The following UBE2R2 variants were observed in gnomAD, a reference collection of about 807,000 sequenced individuals.
UBE2R2 encodes ubiquitin conjugating enzyme E2 R2.
A neutral mutation model predicts 27.8 loss-of-function variants in UBE2R2; 1 was observed. The ratio of observed to expected loss-of-function variants is 0.04; its 90% CI spans 0.01 to 0.17. The LOEUF (loss-of-function observed/expected upper bound fraction) is 0.17. Ranked by LOEUF, UBE2R2 falls within the 10% of genes least tolerant of loss-of-function variation. UBE2R2 has a pLI of 1.00. For missense variants in UBE2R2, 100 were observed against 291.0 expected, an observed-to-expected ratio of 0.34 and a Z score of 4.78; for synonymous variants, 106 against 113.3, an observed-to-expected ratio of 0.94 and a Z score of 0.41.
At chr9:33,823,207 A>G (rs886782555) in intron 1 of UBE2R2, among the ~76,000 whole-genome samples, 2 of 150,912 alleles carry the variant, frequency 1.3e-5, no homozygotes, top group African/African-American at 4.9e-5. Flanking sequence ...TGCCCAGCCT[A>G]TTATTATTAT....
chr9:33,822,730 AT>A (rs149599575), intron 1 of UBE2R2, among the ~76,000 whole-genome samples: 12,044 of 148,424 alleles, frequency 0.081, 679 homozygotes, highest in Non-Finnish European at 0.12. Flanking sequence ...CAGCCAAATA[AT>A]TTTTTTTTTA....
intron 2 of UBE2R2, among the ~76,000 whole-genome samples, chr9:33,895,054 T>A (rs1822070827): frequency 6.6e-6 from 1 of 152,244 alleles, no homozygotes; most frequent in South Asian, 2.1e-4. Flanking sequence ...GAATTCCTTA[T>A]ATATTATACA....
At chr9:33,830,770 G>GA (rs1820454316) in intron 1 of UBE2R2, among the ~76,000 whole-genome samples, 44 of 133,528 alleles carry the variant, frequency 3.3e-4, no homozygotes, top group East Asian at 1.6e-3. Context: ...CCCTCTCAAA[G>GA]GAAAAAAAAA....
intron 3 of UBE2R2, among the ~76,000 whole-genome samples, chr9:33,911,649 A>G (rs1237095736): frequency 6.6e-6 from 1 of 152,068 alleles, no homozygotes; most frequent in African/African-American, 2.4e-5. Context: ...TGCTTTGTGC[A>G]TTACCCTTAT....
chr9:33,837,604 T>G (rs1820643296), intron 1 of UBE2R2, among the ~76,000 whole-genome samples: 1 of 152,038 alleles, frequency 6.6e-6, no homozygotes, highest in Non-Finnish European at 1.5e-5. Context: ...TTTTATATTT[T>G]TAGTAGAGAT....
At position 33,829,601 on chromosome 9, in the gene UBE2R2, G is replaced by C. The variant is rs1398041036; in HGVS notation, c.177+11667G>C. On this transcript the variant is annotated intron_variant, in intron 1 of 4. Coordinates refer to ENST00000263228, the MANE Select transcript of UBE2R2 (RefSeq NM_017811.4). ...GTACCTCTGAAAGTGAGAGATGATA[G>C]AGAAAGTTAAATTTCTCAATACAAT... Among the ~76,000 whole-genome samples the C allele has an allele frequency of 2.0e-5, 3 of 152,172 alleles. No homozygotes were observed. In the East Asian group the frequency reaches 5.8e-4, roughly 29 times the overall value.
chr9:33,902,873 G>A (rs1230947131), intron 3 of UBE2R2, among the ~76,000 whole-genome samples: 1 of 152,168 alleles, frequency 6.6e-6, no homozygotes, highest in Non-Finnish European at 1.5e-5. Flanking sequence ...GCCAAGGTGG[G>A]CAGATCACCT....
At chr9:33,856,111 T>G (rs2130760257) in intron 1 of UBE2R2, among the ~76,000 whole-genome samples, 1 of 152,268 alleles carries the variant, frequency 6.6e-6, no homozygotes, top group East Asian at 1.9e-4. Context: ...TTTTACCGTG[T>G]ACACACTTGG....
Position 33,830,950 on chromosome 9 carries a change from T to A in UBE2R2, c.177+13016T>A, listed in dbSNP as rs146362301. 63 of 151,944 alleles carry A rather than the reference T, an allele frequency of 4.1e-4. 1 individual carries two copies. The highest frequency in any genetic ancestry group is 1.5e-3 in the African/African-American group (61 of 41,424). The allele number at this position is 151,944 out of a possible 1,614,324, so 9.4% of individuals were successfully genotyped here. A position where few individuals can be genotyped will look rare whatever the true frequency, so the allele number is the denominator to read the frequency against. ...GTTGAAATAACTGTGGTTCCATTTA[T>A]AAGATAATATTAAGAATGAGTAGAG... On this transcript the variant is annotated intron_variant, in intron 1 of 4. Transcript: ENST00000263228.
intron 1 of UBE2R2, among the ~76,000 whole-genome samples, chr9:33,883,576 T>C (rs980822791): frequency 6.6e-6 from 1 of 151,248 alleles, no homozygotes; most frequent in Admixed American, 6.6e-5. Context: ...TTTAGCTGGG[T>C]GTGGTGGCAT....
intron 1 of UBE2R2, among the ~76,000 whole-genome samples, chr9:33,866,353 C>CT (rs142739651): frequency 0.039 from 5,985 of 151,880 alleles, 268 homozygotes; most frequent in African/African-American, 0.098. Context: ...GTTCTCCTGT[C>CT]TCAGCCTCCC....
At chr9:33,827,236 G>T (rs1369770977) in intron 1 of UBE2R2, among the ~76,000 whole-genome samples, 1 of 152,194 alleles carries the variant, frequency 6.6e-6, no homozygotes, top group East Asian at 1.9e-4. Context: ...AGTTGAGGTG[G>T]GAGGATCACT....
intron 3 of UBE2R2, among the ~76,000 whole-genome samples, chr9:33,910,325 T>G (rs964372925): frequency 6.6e-6 from 1 of 152,012 alleles, no homozygotes; most frequent in Non-Finnish European, 1.5e-5. Flanking sequence ...ATTTTTGTAT[T>G]TTTAGTAGAG....
At chr9:33,838,576 T>C (rs893359555) in intron 1 of UBE2R2, among the ~76,000 whole-genome samples, 1 of 152,094 alleles carries the variant, frequency 6.6e-6, no homozygotes, top group Non-Finnish European at 1.5e-5. Flanking sequence ...GCATGGTGGC[T>C]CACGCCTGTG....
At chr9:33,901,959 G>A (rs1189594095) in intron 3 of UBE2R2, among the ~76,000 whole-genome samples, 1 of 148,154 alleles carries the variant, frequency 6.7e-6, no homozygotes, top group Non-Finnish European at 1.5e-5. Context: ...TGTCGCCCAG[G>A]CTGGAATGAA....
In UBE2R2 at chr9:33,917,529, C is replaced by T. The variant is rs1822678964; in HGVS notation, c.*292C>T. 4 of 549,990 alleles carry T rather than the reference C, an allele frequency of 7.3e-6. No individual in the cohort carries two copies. The Admixed American group carries it at 1.1e-4, about 15-fold the overall frequency. 34.1% of individuals were successfully genotyped at this position (549,990 alleles called of 1,614,324 possible). The stretch of plus-strand genomic sequence containing the variant: ...AACCCAAACTCCCGCCTCACTTCGT[C>T]TCTACAGAATGTTCACAGCAAAACA... On this transcript the variant is annotated 3_prime_UTR_variant, in exon 5 of 5. Coordinates refer to ENST00000263228, the MANE Select transcript of UBE2R2 (RefSeq NM_017811.4).
At chr9:33,866,052 G>A (rs375406097) in intron 1 of UBE2R2, among the ~76,000 whole-genome samples, 52 of 151,522 alleles carry the variant, frequency 3.4e-4, no homozygotes, top group African/African-American at 1.1e-3. Context: ...GGCTAGTCTC[G>A]AACTCCTGAC....
intron 1 of UBE2R2, among the ~76,000 whole-genome samples, chr9:33,825,385 C>T (rs549547521): frequency 2.0e-5 from 3 of 151,816 alleles, no homozygotes; most frequent in Non-Finnish European, 2.9e-5. Flanking sequence ...GGGCTACAGG[C>T]GTGTGCCACC....
chr9:33,872,396 A>G (rs1821505232), intron 1 of UBE2R2, among the ~76,000 whole-genome samples: 1 of 152,172 alleles, frequency 6.6e-6, no homozygotes, highest in African/African-American at 2.4e-5. Context: ...GTTTCAAAAG[A>G]AGAAAAAGAC....
Sources: gnomAD v4.1 joint callset for allele counts (sites outside exome capture counted in the v4.1 genomes callset) on GRCh38, gnomAD v4.1.1 for gene constraint, MANE v1.5 for transcripts, NCBI Gene and HGNC (gene_info 2026-07-23, HGNC 2026-07-21) for gene names.